Variants in TRPM3 observed in about 807,000 individuals in gnomAD.
The protein encoded by TRPM3 is transient receptor potential cation channel subfamily M member 3.
Under a neutral mutation model 181.2 loss-of-function variants are expected in TRPM3, and 77 were observed. That is an observed-to-expected ratio of 0.42 (90% CI 0.35 to 0.51). The LOEUF is 0.51. Among genes scored for constraint, TRPM3 ranks in the 20% least tolerant of loss-of-function variants. The probability of loss-of-function intolerance (pLI) is 0.01; values close to 1 mark genes in which losing one functional copy is unlikely to be tolerated. For synonymous variants in TRPM3, 745 were observed against 796.4 expected (o/e 0.94, Z 1.09); for missense variants, 1,759 against 2,196.7 (o/e 0.80, Z 3.98).
intron 1 of TRPM3, among the ~76,000 whole-genome samples, chr9:71,200,589 A>C (rs926710505): frequency 6.6e-6 from 1 of 152,150 alleles, no homozygotes; most frequent in Admixed American, 6.5e-5. Context: ...TAGGATAGTT[A>C]GCTCTTCTTG....
At chr9:71,347,895 TGAA>T (rs1048475052) in intron 1 of TRPM3, among the ~76,000 whole-genome samples, 2 of 152,150 alleles carry the variant, frequency 1.3e-5, no homozygotes, top group Non-Finnish European at 2.9e-5. Flanking sequence ...GCTTATTTCT[TGAA>T]AAGTTGAGAA....
At chr9:71,353,155 A>C (rs2132678684) in intron 1 of TRPM3, among the ~76,000 whole-genome samples, 1 of 151,872 alleles carries the variant, frequency 6.6e-6, no homozygotes, top group South Asian at 2.1e-4. Flanking sequence ...TTACTGCTTA[A>C]ATTTTACTCC....
chr9:71,270,207 G>C (rs11142766), intron 1 of TRPM3, among the ~76,000 whole-genome samples: 19 of 152,074 alleles, frequency 1.2e-4, no homozygotes, highest in African/African-American at 4.6e-4. Context: ...AAAATTAGCC[G>C]GGGGTAGTGG....
Position 70,889,540 on chromosome 9 carries a change from G to A in TRPM3, c.178-25029C>T, listed in dbSNP as rs141553086. On this transcript the variant is annotated intron_variant, in intron 1 of 25. Coordinates refer to ENST00000677713, the MANE Select transcript of TRPM3 (RefSeq NM_001366145.2). ...ACACACACCTTCCAGCAGGATAGTG[G>A]TGGACTTTTCTTTGGAAATATTGAA... is the stretch of plus-strand genomic sequence containing the variant. 4.9e-3 allele frequency among the ~76,000 whole-genome samples: 739 copies of A among 152,218 alleles called. 7 individuals carry two copies. The highest frequency in any genetic ancestry group is 0.017 in the African/African-American group (710 of 41,508).
chr9:71,351,762 A>G (rs1174802967), intron 1 of TRPM3, among the ~76,000 whole-genome samples: 1 of 152,198 alleles, frequency 6.6e-6, no homozygotes, highest in South Asian at 2.1e-4. Context: ...GATATTTTTA[A>G]ATGTCCTAAA....
At chr9:70,873,081 A>G (rs1484322652) in intron 1 of TRPM3, among the ~76,000 whole-genome samples, 1 of 151,976 alleles carries the variant, frequency 6.6e-6, no homozygotes, top group Non-Finnish European at 1.5e-5. Context: ...CCCATCAAAA[A>G]TATTTAAAAA....
intron 7 of TRPM3, among the ~76,000 whole-genome samples, chr9:70,765,036 T>C (rs1427630041): frequency 1.3e-5 from 2 of 152,218 alleles, no homozygotes; most frequent in South Asian, 2.1e-4. Context: ...GATAATCTCA[T>C]AACAATCTAT....
chr9:70,860,376 G>A (rs1307813748), intron 3 of TRPM3, among the ~76,000 whole-genome samples: 1 of 152,138 alleles, frequency 6.6e-6, no homozygotes, highest in Non-Finnish European at 1.5e-5. Context: ...GCTCTTTGTA[G>A]GAAGAATACC....
At chr9:70,847,721 A>T (rs1284529987) in intron 3 of TRPM3, among the ~76,000 whole-genome samples, 1 of 152,116 alleles carries the variant, frequency 6.6e-6, no homozygotes. Flanking sequence ...CTCAACCTTG[A>T]CTCTAGGTGG....
intron 1 of TRPM3, among the ~76,000 whole-genome samples, chr9:70,996,673 T>C (rs1183352830): frequency 6.6e-6 from 1 of 152,260 alleles, no homozygotes; most frequent in Non-Finnish European, 1.5e-5. Flanking sequence ...CTGAATGCTC[T>C]CTGGTTTGAG....
At chr9:70,908,930 C>T (rs1382572146) in intron 1 of TRPM3, among the ~76,000 whole-genome samples, 1 of 152,192 alleles carries the variant, frequency 6.6e-6, no homozygotes, top group Non-Finnish European at 1.5e-5. Flanking sequence ...AACAACAAAA[C>T]TACCGCATCT....
At position 70,620,164 on chromosome 9, in the gene TRPM3, C is replaced by G; in HGVS notation, c.2041G>C (p.Ala681Pro). Residue 681 changes from alanine to proline, a missense_variant, in exon 16 of 26, where the codon GCC becomes CCC. By Grantham distance (27) the Ala-to-Pro change is conservative. This residue lies in a region of TRPM3 where 737 missense variants were observed against 957.4 expected (regional missense o/e 0.77). Coordinates refer to ENST00000677713, the MANE Select transcript of TRPM3 (RefSeq NM_001366145.2). ...GCCATGGCTTTGCAGAGCTTGCAGG[C>G]CACCAGGGCCTTGGCCATGGCCTCC... Reference protein sequence around the residue: ...GEEAMAKALVACKLCKAMAHE... With the variant: ...GEEAMAKALVPCKLCKAMAHE... 6.2e-7 allele frequency: 1 copy of G among 1,614,198 alleles called. No individual in the cohort carries two copies. The highest frequency in any genetic ancestry group is 8.5e-7 in the Non-Finnish European group (1 of 1,180,040).
intron 1 of TRPM3, among the ~76,000 whole-genome samples, chr9:71,426,663 C>T (rs1416542020): frequency 6.6e-6 from 1 of 152,156 alleles, no homozygotes; most frequent in Non-Finnish European, 1.5e-5. Flanking sequence ...TTATTTTCCA[C>T]TGGACCCCAT....
intron 22 of TRPM3, among the ~76,000 whole-genome samples, chr9:70,562,532 A>G (rs1211212515): frequency 6.6e-6 from 1 of 151,836 alleles, no homozygotes; most frequent in Non-Finnish European, 1.5e-5. Context: ...GCTATTCAGA[A>G]CCCACTATTA....
chr9:70,904,946 C>T (rs1003931256), intron 1 of TRPM3, among the ~76,000 whole-genome samples: 1 of 152,180 alleles, frequency 6.6e-6, no homozygotes, highest in Admixed American at 6.5e-5. Flanking sequence ...CCCCGAGTCT[C>T]ATAACATCTG....
intron 12 of TRPM3, among the ~76,000 whole-genome samples, chr9:70,627,410 C>T (rs1433831150): frequency 6.6e-6 from 1 of 151,682 alleles, no homozygotes; most frequent in Non-Finnish European, 1.5e-5. Context: ...GTAGCTTGGA[C>T]TACAGGTGTA....
chr9:71,210,274 G>T (rs543104097), intron 1 of TRPM3, among the ~76,000 whole-genome samples: 1 of 152,118 alleles, frequency 6.6e-6, no homozygotes, highest in Non-Finnish European at 1.5e-5. Context: ...CATCACCCCC[G>T]GATGGGGCTG....
At chr9:71,344,172 G>A (rs1366000486) in intron 1 of TRPM3, among the ~76,000 whole-genome samples, 6 of 152,110 alleles carry the variant, frequency 3.9e-5, no homozygotes, top group Non-Finnish European at 8.8e-5. Flanking sequence ...TGGGGCAGCT[G>A]GGCACGGTGG....
At chr9:71,194,649 T>A (rs148967483) in intron 1 of TRPM3, among the ~76,000 whole-genome samples, 1 of 151,978 alleles carries the variant, frequency 6.6e-6, no homozygotes, top group Non-Finnish European at 1.5e-5. Context: ...GAATTCCTAC[T>A]GCGTGAAATC....
Sources: allele counts gnomAD v4.1 joint callset (sites outside exome capture counted in the v4.1 genomes callset), GRCh38; gene constraint gnomAD v4.1.1; regional missense constraint gnomAD v4.1.1; transcripts MANE v1.5; gene names NCBI Gene and HGNC (gene_info 2026-07-23, HGNC 2026-07-21).